The following COL5A1 variants were observed in gnomAD, a reference collection of about 807,000 sequenced individuals.
The protein encoded by COL5A1 is collagen alpha-1(V) chain.
COL5A1 carries 16 observed loss-of-function variants against 263.7 expected under a neutral mutation model. That is an observed-to-expected ratio of 0.06 (90% CI 0.04 to 0.09). The LOEUF (loss-of-function observed/expected upper bound fraction) is 0.09. Among genes scored for constraint, COL5A1 ranks in the 10% least tolerant of loss-of-function variants. The pLI, the probability that COL5A1 is intolerant of heterozygous loss-of-function variation, is 1.00. For synonymous variants in COL5A1, 1,012 were observed against 1,004.5 expected (o/e 1.01, Z -0.14); for missense variants, 2,036 against 2,540.5 (o/e 0.80, Z 4.27).
chr9:134,717,392 C>T (rs536696981), intron 4 of COL5A1, among the ~76,000 whole-genome samples: 12 of 152,294 alleles, frequency 7.9e-5, no homozygotes, highest in African/African-American at 2.2e-4. Context: ...CTGGGGCCAG[C>T]GTTGTTCCAT....
intron 29 of COL5A1, among the ~76,000 whole-genome samples, chr9:134,784,557 C>T (rs906602501): frequency 6.6e-6 from 1 of 152,250 alleles, no homozygotes; most frequent in Non-Finnish European, 1.5e-5. Flanking sequence ...CCATCCGGGG[C>T]TGGGGTCCAC....
intron 46 of COL5A1, 117 bp from the exon 47 acceptor site, chr9:134,812,332 C>T (rs1838555533): frequency 2.8e-6 from 3 of 1,072,762 alleles, no homozygotes; most frequent in African/African-American, 1.5e-5. Flanking sequence ...AGAGAAGCAC[C>T]TTCCCGGGGC....
Position 134,759,764 on chromosome 9 carries a change from C to T in COL5A1, c.1935+1468C>T, listed in dbSNP as rs1473393632. Reference sequence around the variant, plus strand: ...CACACCACACATGCACACACACCCACGCACCCCCACACTCATACACACATG... The same window carrying T: ...CACACCACACATGCACACACACCCATGCACCCCCACACTCATACACACATG... On this transcript the variant is annotated intron_variant, in intron 18 of 65. Coordinates refer to ENST00000371817, the MANE Select transcript of COL5A1 (RefSeq NM_000093.5). Among the ~76,000 whole-genome samples the T allele has an allele frequency of 2.8e-4, 27 of 98,134 alleles. No individual in the cohort carries two copies. In the East Asian group the frequency reaches 9.6e-3, roughly 35 times the overall value. The allele number at this position is 98,134 out of a possible 152,430, so 64.4% of individuals were successfully genotyped here.
chr9:134,791,878 A>G (rs893497491), intron 32 of COL5A1, among the ~76,000 whole-genome samples: 1 of 152,180 alleles, frequency 6.6e-6, no homozygotes, highest in African/African-American at 2.4e-5. Context: ...TCCCTCTGGC[A>G]TCCAGAGTGG....
rs574158002 is a variant in COL5A1 at position 134,642,617 on chromosome 9, C to T, written c.109+321C>T. ...AACTTTTGTCCCAAAAACCTTCCTTCTCTGTCCCACATCACAGGCGCCCAG... is the reference window on the plus strand; with the variant it reads ...AACTTTTGTCCCAAAAACCTTCCTTTTCTGTCCCACATCACAGGCGCCCAG... On this transcript the variant is annotated intron_variant, in intron 1 of 65. Transcript: ENST00000371817. The surrounding 1 kb of genome is among the most constrained non-coding windows in gnomAD (Gnocchi z 4.5). 5.3e-5 allele frequency among the ~76,000 whole-genome samples: 8 copies of T among 152,328 alleles called. No individual in the cohort carries two copies. In the East Asian group the frequency reaches 9.7e-4, roughly 18 times the overall value.
In COL5A1 at chr9:134,710,266, G is replaced by C. The variant is rs186705857; in HGVS notation, c.654+8933G>C. 1.8e-3 allele frequency among the ~76,000 whole-genome samples: 270 copies of C among 152,366 alleles called. 1 individual carries two copies. Among genetic ancestry groups the C allele is most frequent in the African/African-American group, 6.3e-3 (261 of 41,594 alleles). On this transcript the variant is annotated intron_variant, in intron 4 of 65. Coordinates refer to ENST00000371817, the MANE Select transcript of COL5A1 (RefSeq NM_000093.5). Reference sequence around the variant, plus strand: ...TGTGCTGGCAGGCTCTCCTGCCCGCGCGAGACGGTGGCTGTTGTGATGATG... The same window carrying C: ...TGTGCTGGCAGGCTCTCCTGCCCGCCCGAGACGGTGGCTGTTGTGATGATG...
At chr9:134,676,005 T>G (rs894566722) in intron 1 of COL5A1, among the ~76,000 whole-genome samples, 2 of 152,220 alleles carry the variant, frequency 1.3e-5, no homozygotes, top group Non-Finnish European at 2.9e-5. Context: ...TTAGATACTT[T>G]GTGGCCATTT....
chr9:134,736,864 C>T (rs1365869754), intron 9 of COL5A1, among the ~76,000 whole-genome samples: 1 of 152,216 alleles, frequency 6.6e-6, no homozygotes, highest in African/African-American at 2.4e-5. Context: ...GGGGTAGCAG[C>T]CCCGAGGAAG....
chr9:134,756,939 C>A, intron 17 of COL5A1, 121 bp downstream of exon 17: 1 of 976,772 alleles, frequency 1.0e-6, no homozygotes. Context: ...GTGGCTCCGT[C>A]ACTGGCATTT....
Position 134,756,710 on chromosome 9 carries a change from G to A in COL5A1, c.1828-55G>A, listed in dbSNP as rs973972793. 7 of 1,564,226 alleles carry A rather than the reference G, an allele frequency of 4.5e-6. No individual in the cohort carries two copies. In the African/African-American group the frequency reaches 8.1e-5, roughly 18 times the overall value. On this transcript the variant is annotated intron_variant, in intron 16 of 65. Transcript: ENST00000371817. ...GTTTAACGGAAAACCATGGCCCGGGGGTCTCAGTGAACCGGGGCTCTTTTG... is the reference window on the plus strand; with the variant it reads ...GTTTAACGGAAAACCATGGCCCGGGAGTCTCAGTGAACCGGGGCTCTTTTG...
chr9:134,718,534 G>A (rs1220041572), intron 4 of COL5A1, among the ~76,000 whole-genome samples: 7 of 152,222 alleles, frequency 4.6e-5, no homozygotes, highest in Admixed American at 3.3e-4. Context: ...GGCTCAGCCC[G>A]GGAAGCCAAG....
intron 64 of COL5A1, among the ~76,000 whole-genome samples, chr9:134,833,306 C>T (rs1839720790): frequency 6.6e-6 from 1 of 152,250 alleles, no homozygotes. Flanking sequence ...TCAGGATGCC[C>T]TGCACGGGCC....
intron 18 of COL5A1, among the ~76,000 whole-genome samples, chr9:134,759,656 ATACGCATG>A (rs1836190466): frequency 7.3e-5 from 8 of 109,264 alleles, no homozygotes; most frequent in Admixed American, 1.1e-4. Flanking sequence ...ACATGCACAC[ATACGCATG>A]CACACCCCCA....
At chr9:134,760,601 C>CA (rs1836353171) in intron 18 of COL5A1, among the ~76,000 whole-genome samples, 1 of 121,438 alleles carries the variant, frequency 8.2e-6, no homozygotes, top group Non-Finnish European at 1.6e-5. Flanking sequence ...TGCACACACA[C>CA]CACACATGCA....
rs931915222 is a variant in COL5A1 at position 134,842,021 on chromosome 9, G to T, written c.5371-136G>T. ...GCCATATTTCCTCCAACACTTGCCC[G>T]GGCAAGCGCAGCCCTGGGTAGGAGA... On this transcript the variant is annotated intron_variant, in intron 65 of 65. Transcript: ENST00000371817. The surrounding 1 kb of genome is among the most constrained non-coding windows in gnomAD (Gnocchi z 5.8). 5.3e-6 allele frequency: 5 copies of T among 951,748 alleles called. No homozygotes were observed. In the South Asian group the frequency reaches 6.9e-5, roughly 13 times the overall value. The allele number at this position is 951,748 out of a possible 1,614,324, so 59.0% of individuals were successfully genotyped here. A position where few individuals can be genotyped will look rare whatever the true frequency, so the allele number is the denominator to read the frequency against.
chr9:134,839,270 G>T (rs1193971675), intron 65 of COL5A1, among the ~76,000 whole-genome samples: 5 of 152,194 alleles, frequency 3.3e-5, no homozygotes, highest in Admixed American at 2.6e-4. Context: ...CGGCGCCTCT[G>T]GGGGGCCGTT....
At position 134,807,550 on chromosome 9, in the gene COL5A1, C is replaced by T. The variant is rs151176641; in HGVS notation, c.3366+1254C>T. Among the ~76,000 whole-genome samples the T allele has an allele frequency of 1.9e-3, 288 of 152,334 alleles. 1 individual carries two copies. The highest frequency in any genetic ancestry group is 6.5e-3 in the African/African-American group (269 of 41,568). Reference sequence around the variant, plus strand: ...TCAAGTGATCTACCCGCCTCAGCCTCCCAAGGTGCTGGGATTACAGGCGTG... The same window carrying T: ...TCAAGTGATCTACCCGCCTCAGCCTTCCAAGGTGCTGGGATTACAGGCGTG... On this transcript the variant is annotated intron_variant, in intron 42 of 65. Coordinates refer to ENST00000371817, the MANE Select transcript of COL5A1 (RefSeq NM_000093.5).
intron 1 of COL5A1, among the ~76,000 whole-genome samples, chr9:134,679,961 C>G (rs746838265): frequency 7.2e-5 from 11 of 151,882 alleles, no homozygotes; most frequent in African/African-American, 2.4e-4. Context: ...CAGTCCACCC[C>G]GGGAGTGGGG....
chr9:134,796,260 G>A (rs1837904259), intron 34 of COL5A1, 114 bp from the exon 35 acceptor site: 1 of 1,166,046 alleles, frequency 8.6e-7, no homozygotes. Context: ...GCCACCTTCA[G>A]GGGTGCACAC....
Sources: allele counts gnomAD v4.1 joint callset (sites outside exome capture counted in the v4.1 genomes callset), GRCh38; gene constraint gnomAD v4.1.1; non-coding constraint Gnocchi (gnomAD v3.1); transcripts MANE v1.5; gene names NCBI Gene and HGNC (gene_info 2026-07-23, HGNC 2026-07-21).